RPS6KA2: variants seen among roughly 807,000 people sequenced by gnomAD.
The protein encoded by RPS6KA2 is ribosomal protein S6 kinase A2.
RPS6KA2 carries 42 observed loss-of-function variants against 91.8 expected under a neutral mutation model. The observed-to-expected ratio is 0.46, with a 90% CI of 0.36 to 0.59. The LOEUF is 0.59. Ranked by LOEUF, RPS6KA2 falls within the 20% of genes least tolerant of loss-of-function variation. The pLI is 0.00. For synonymous variants in RPS6KA2, 414 were observed against 393.6 expected (o/e 1.05, Z -0.61); for missense variants, 798 against 978.5 (o/e 0.82, Z 2.46).
intron 12 of RPS6KA2, among the ~76,000 whole-genome samples, chr6:166,455,802 C>A (rs1780085342): frequency 6.6e-6 from 1 of 152,238 alleles, no homozygotes; most frequent in African/African-American, 2.4e-5. Context: ...ATCCCCTGAG[C>A]TACCACGGGC....
chr6:166,692,513 G>T lies in RPS6KA2; in HGVS notation c.124-153729C>A, dbSNP rs534264935. On this transcript the variant is annotated intron_variant, in intron 2 of 21. Coordinates refer to the RPS6KA2 transcript ENST00000503859. Reference sequence around the variant, plus strand: ...GAGCAGGAAACTTTTGCAAGCCAAAGTTTAAAGATACATAGGAACAAAGTA... The same window carrying T: ...GAGCAGGAAACTTTTGCAAGCCAAATTTTAAAGATACATAGGAACAAAGTA... Among the ~76,000 whole-genome samples, 19 of 152,024 alleles carry T rather than the reference G, an allele frequency of 1.2e-4. No individual in the cohort carries two copies. The South Asian group carries it at 4.0e-3, about 32-fold the overall frequency.
chr6:166,768,534 C>T (rs1778381737), intron 2 of RPS6KA2, among the ~76,000 whole-genome samples: 1 of 152,102 alleles, frequency 6.6e-6, no homozygotes, highest in Admixed American at 6.5e-5. Flanking sequence ...TTAGGAGTTT[C>T]AGCAGGAGAC....
At chr6:166,479,022 T>G (rs1393478209) in intron 10 of RPS6KA2, among the ~76,000 whole-genome samples, 1 of 152,218 alleles carries the variant, frequency 6.6e-6, no homozygotes, top group East Asian at 1.9e-4. Flanking sequence ...TGCCCTGCCC[T>G]GGACTCCAGC....
At chr6:166,593,433 C>T (rs560331712) in intron 1 of RPS6KA2, among the ~76,000 whole-genome samples, 2 of 152,292 alleles carry the variant, frequency 1.3e-5, no homozygotes, top group Admixed American at 6.5e-5. Context: ...ACACTACAGT[C>T]AACTGGAATT....
At position 166,410,202 on chromosome 6, in the gene RPS6KA2, G is replaced by A. The variant is rs1420607577; in HGVS notation, c.*2560C>T. ...GTGGGGGGTTGGGTTATGATGAACTGTGTGAGGAAGGAGAGCCAGTTAACT... is the reference window on the plus strand; with the variant it reads ...GTGGGGGGTTGGGTTATGATGAACTATGTGAGGAAGGAGAGCCAGTTAACT... On this transcript the variant is annotated 3_prime_UTR_variant, in exon 21 of 21. Coordinates refer to ENST00000265678, the MANE Select transcript of RPS6KA2 (RefSeq NM_021135.6). The A allele has an allele frequency of 6.6e-6, 1 of 152,200 alleles. No homozygotes were observed. The highest frequency in any genetic ancestry group is 2.4e-5 in the African/African-American group (1 of 41,442). The allele number at this position is 152,200 out of a possible 1,614,324, so 9.4% of individuals were successfully genotyped here.
At chr6:166,532,978 G>C (rs982164172) in intron 2 of RPS6KA2, among the ~76,000 whole-genome samples, 1 of 152,178 alleles carries the variant, frequency 6.6e-6, no homozygotes, top group Non-Finnish European at 1.5e-5. Flanking sequence ...TCCGGGCTCA[G>C]GATCCCATGG....
At chr6:166,773,488 G>GC (rs1562431275) in intron 2 of RPS6KA2, among the ~76,000 whole-genome samples, 1 of 151,924 alleles carries the variant, frequency 6.6e-6, no homozygotes, top group African/African-American at 2.4e-5. Flanking sequence ...TGCAACCTCT[G>GC]CCCCCCAGGT....
chr6:166,480,323 G>A (rs1373226299), intron 10 of RPS6KA2, among the ~76,000 whole-genome samples: 1 of 151,758 alleles, frequency 6.6e-6, no homozygotes, highest in African/African-American at 2.4e-5. Context: ...GGTACTGGCT[G>A]ATTCGAAAGC....
chr6:166,560,726 G>C (rs574238174), intron 1 of RPS6KA2, among the ~76,000 whole-genome samples: 1 of 152,264 alleles, frequency 6.6e-6, no homozygotes, highest in African/African-American at 2.4e-5. Context: ...CTGGGCAGAG[G>C]ATGCAGGTGC....
intron 2 of RPS6KA2, among the ~76,000 whole-genome samples, chr6:166,721,100 T>C (rs1290868553): frequency 2.6e-5 from 4 of 152,252 alleles, no homozygotes; most frequent in Non-Finnish European, 5.9e-5. Context: ...AGGTGACTAA[T>C]TTCTTAACAA....
At chr6:166,723,318 C>T (rs9459728) in intron 2 of RPS6KA2, among the ~76,000 whole-genome samples, 1,765 of 152,356 alleles carry the variant, frequency 0.012, 47 homozygotes, top group African/African-American at 0.038. Context: ...GCCTAGGCCC[C>T]CCAGATGGTG....
At chr6:166,546,090 C>T (rs1338403466) in intron 1 of RPS6KA2, among the ~76,000 whole-genome samples, 2 of 152,108 alleles carry the variant, frequency 1.3e-5, no homozygotes, top group African/African-American at 4.8e-5. Flanking sequence ...GCTCCGTGAC[C>T]CCTTCCACTT....
intron 2 of RPS6KA2, chr6:166,702,174 G>C: frequency 1.2e-6 from 2 of 1,600,600 alleles, no homozygotes; most frequent in Non-Finnish European, 1.7e-6. Flanking sequence ...GTGATGTTCC[G>C]AATGGTGGCA....
At chr6:166,779,479 A>G (rs1019728894) in intron 2 of RPS6KA2, among the ~76,000 whole-genome samples, 12 of 152,108 alleles carry the variant, frequency 7.9e-5, no homozygotes, top group Admixed American at 6.5e-4. Flanking sequence ...ACATTGGAGG[A>G]GGGGCCTGGG....
intron 1 of RPS6KA2, among the ~76,000 whole-genome samples, chr6:166,596,588 C>T (rs781096322): frequency 5.9e-5 from 9 of 152,178 alleles, no homozygotes; most frequent in African/African-American, 2.2e-4. Flanking sequence ...CTCGGGCCTT[C>T]GCTCACAGAC....
chr6:166,862,371 G>A (rs1034540890), exon 1 of RPS6KA2: 4 of 1,412,082 alleles, frequency 2.8e-6, no homozygotes, highest in South Asian at 2.9e-5. Context: ...CCGGAGGAGG[G>A]ACCCGGGGGG....
At chr6:166,682,301 G>A (rs1198918287) in intron 2 of RPS6KA2, among the ~76,000 whole-genome samples, 2 of 152,182 alleles carry the variant, frequency 1.3e-5, no homozygotes, top group African/African-American at 2.4e-5. Context: ...TAAAACATTG[G>A]TATTGAGGTG....
At chr6:166,465,910 C>T (rs1342009774) in intron 11 of RPS6KA2, among the ~76,000 whole-genome samples, 1 of 152,184 alleles carries the variant, frequency 6.6e-6, no homozygotes, top group Admixed American at 6.5e-5. Context: ...GCAAAAGTGG[C>T]ATTTCTGAGC....
At chr6:166,764,973 G>A (rs1040506362) in intron 2 of RPS6KA2, among the ~76,000 whole-genome samples, 4 of 152,226 alleles carry the variant, frequency 2.6e-5, no homozygotes, top group African/African-American at 7.2e-5. Context: ...ATATGTCCAC[G>A]GAGGTGGCAT....
Sources: allele counts gnomAD v4.1 joint callset (sites outside exome capture counted in the v4.1 genomes callset), GRCh38; gene constraint gnomAD v4.1.1; transcripts MANE v1.5; gene names NCBI Gene and HGNC (gene_info 2026-07-23, HGNC 2026-07-21).